SLC27A4: variants seen among roughly 807,000 people sequenced by gnomAD.
SLC27A4 encodes the protein solute carrier family 27 member 4.
In SLC27A4, 33 loss-of-function variants were observed where a neutral mutation model predicts 64.4. That is an observed-to-expected ratio of 0.51 (90% CI 0.39 to 0.68). The LOEUF is 0.68. Among genes scored for constraint, SLC27A4 ranks in the 30% least tolerant of loss-of-function variants. SLC27A4 has a pLI of 0.00. For missense variants in SLC27A4, 824 were observed against 883.5 expected (o/e 0.93, Z 0.85); for synonymous variants, 377 against 370.0 (o/e 1.02, Z -0.22).
At chr9:128,357,286 G>A (rs111526216) in intron 12 of SLC27A4, among the ~76,000 whole-genome samples, 4,721 of 145,622 alleles carry the variant, frequency 0.032, 273 homozygotes, top group African/African-American at 0.12. Context: ...AAAAAAATTA[G>A]CCGGGCGTGG....
chr9:128,348,781 G>C, intron 4 of SLC27A4, 78 bp downstream of exon 4: 1 of 1,475,632 alleles, frequency 6.8e-7, no homozygotes. Context: ...CCAGAAGGAG[G>C]CTTTTCTGGA....
At position 128,345,129 on chromosome 9, in the gene SLC27A4, C is replaced by T. The variant is rs1355986817; in HGVS notation, c.162-26C>T. On this transcript the variant is annotated intron_variant, in intron 2 of 12. Coordinates refer to ENST00000300456, the MANE Select transcript of SLC27A4 (RefSeq NM_005094.4). The surrounding 1 kb of genome is among the most constrained non-coding windows in gnomAD (Gnocchi z 4.1). ...CCCTCCCTCCCAACCATGGCAGACA[C>T]AGCGCCCTCTCTTGTTCACACACAG... 2.5e-6 allele frequency: 4 copies of T among 1,612,972 alleles called. No individual in the cohort carries two copies. The highest frequency in any genetic ancestry group is 3.4e-6 in the Non-Finnish European group (4 of 1,179,976).
chr9:128,354,793 A>AT (rs1244585166), intron 9 of SLC27A4, among the ~76,000 whole-genome samples: 1 of 149,750 alleles, frequency 6.7e-6, no homozygotes, highest in Non-Finnish European at 1.5e-5. Context: ...CTAAAAAATA[A>AT]AAAAAAAAAA....
chr9:128,344,523 A>G (rs1036622787), intron 2 of SLC27A4, among the ~76,000 whole-genome samples: 5 of 152,106 alleles, frequency 3.3e-5, no homozygotes, highest in Non-Finnish European at 7.4e-5. Context: ...CATCTCAAAA[A>G]AAAAAACAAA....
chr9:128,353,104 G>A lies in SLC27A4; in HGVS notation c.1067G>A (p.Arg356His), dbSNP rs748681195. The A allele has an allele frequency of 1.9e-6, 3 of 1,614,136 alleles. No homozygotes were observed. Among genetic ancestry groups the A allele is most frequent in the Non-Finnish European group, 2.5e-6 (3 of 1,180,018 alleles). Residue 356 changes from arginine (R) to histidine (H), a missense_variant, in exon 8 of 13, where the codon CGC (arginine) becomes CAC (histidine). Arg to His is a conservative substitution (Grantham distance 29, BLOSUM62 0). Transcript: ENST00000300456. The surrounding 1 kb of genome is among the most constrained non-coding windows in gnomAD (Gnocchi z 4.9). ...PREAENQHQV[R>H]MALGNGLRQS... ...GAGGCAGAAAACCAGCACCAGGTTC[G>A]CATGGCACTAGGCAATGGCCTCCGG... is the stretch of plus-strand genomic sequence containing the variant.
chr9:128,360,530 C>T lies in SLC27A4; in HGVS notation c.*39C>T, dbSNP rs113904747. On this transcript the variant is annotated 3_prime_UTR_variant, in exon 13 of 13. Coordinates refer to ENST00000300456, the MANE Select transcript of SLC27A4 (RefSeq NM_005094.4). ...TCTGAGGGCCGGCGGATGCTGGATC[C>T]GGAGCCCCAGGTTCCGCCCCAGAGC... The T allele has an allele frequency of 1.7e-5, 27 of 1,610,738 alleles. No individual in the cohort carries two copies. The highest frequency in any genetic ancestry group is 6.7e-5 in the African/African-American group (5 of 74,996).
chr9:128,354,544 C>T (rs1422523395), intron 9 of SLC27A4, among the ~76,000 whole-genome samples: 1 of 152,036 alleles, frequency 6.6e-6, no homozygotes, highest in Non-Finnish European at 1.5e-5. Flanking sequence ...CCATCAGTTT[C>T]GAGAACAAAC....
In SLC27A4 at chr9:128,360,557, G is replaced by A. The variant is rs566704264; in HGVS notation, c.*66G>A. ...GAGCCCCAGGTTCCGCCCCAGAGCG[G>A]TCCTGGACAAGGCCAGACCAAAGCA... On this transcript the variant is annotated 3_prime_UTR_variant, in exon 13 of 13. Transcript: ENST00000300456. 3.4e-5 allele frequency: 53 copies of A among 1,581,382 alleles called. No individual in the cohort carries two copies. The African/African-American group carries it at 6.9e-4, about 20-fold the overall frequency.
intron 7 of SLC27A4, 21 bp downstream of exon 7, chr9:128,352,768 T>A: frequency 6.4e-7 from 1 of 1,558,004 alleles, no homozygotes; most frequent in Non-Finnish European, 8.9e-7. Context: ...GCGGGAAGGG[T>A]GAGCTGTCCC....
intron 6 of SLC27A4, among the ~76,000 whole-genome samples, chr9:128,352,194 C>CAA (rs71495688): frequency 5.4e-5 from 5 of 92,456 alleles, no homozygotes; most frequent in Admixed American, 1.2e-4. Flanking sequence ...GACTCCGTCT[C>CAA]AAAAAAAAAA....
At chr9:128,348,888 G>T (rs527374502) in intron 4 of SLC27A4, among the ~76,000 whole-genome samples, 185 bp downstream of exon 4, 1 of 152,332 alleles carries the variant, frequency 6.6e-6, no homozygotes, top group South Asian at 2.1e-4. Flanking sequence ...TACTGTGAAG[G>T]TGACATGAGC....
intron 12 of SLC27A4, among the ~76,000 whole-genome samples, chr9:128,357,721 C>G (rs978082743): frequency 2.0e-5 from 3 of 152,220 alleles, no homozygotes; most frequent in African/African-American, 7.2e-5. Flanking sequence ...CCCTGCTTTC[C>G]TCAGCCCTTG....
Position 128,361,407 on chromosome 9 carries a change from CG to C in SLC27A4, c.*921del. Reference sequence around the variant, plus strand: ...CCTGCCTCCAATGTGCTGGTTCAGCCGGGGGCAGTGCCCATGTGAATCTGGC... The same window carrying C: ...CCTGCCTCCAATGTGCTGGTTCAGCCGGGGCAGTGCCCATGTGAATCTGGC... On this transcript the variant is annotated 3_prime_UTR_variant, in exon 13 of 13. Transcript: ENST00000300456. 1 of 152,438 alleles carries C rather than the reference CG, an allele frequency of 6.6e-6. No individual in the cohort carries two copies. 9.4% of individuals were successfully genotyped at this position (152,438 alleles called of 1,614,324 possible).
At chr9:128,351,568 G>A (rs1363962384) in intron 6 of SLC27A4, among the ~76,000 whole-genome samples, 2 of 145,626 alleles carry the variant, frequency 1.4e-5, no homozygotes, top group Non-Finnish European at 3.0e-5. Flanking sequence ...AGTACAAAAA[G>A]TAGCTGGGCT....
chr9:128,345,394 A>T lies in SLC27A4; in HGVS notation c.401A>T (p.Glu134Val), dbSNP rs1421931391. Reference sequence around the variant, plus strand: ...GGCGATGTGGCTGCCATCTTCATGGAGAACCGCAATGAGTTCGTGGGCCTA... The same window carrying T: ...GGCGATGTGGCTGCCATCTTCATGGTGAACCGCAATGAGTTCGTGGGCCTA... ...ASGDVAAIFMENRNEFVGLWL... is the reference protein window; with the variant it reads ...ASGDVAAIFMVNRNEFVGLWL... The change falls in exon 3 of 13, where the codon GAG (glutamate) becomes GTG (valine). Residue 134 changes from glutamate to valine, a missense_variant. Physicochemically the swap from Glu to Val is moderately radical, Grantham distance 121. Transcript: ENST00000300456. The surrounding 1 kb of genome is among the most constrained non-coding windows in gnomAD (Gnocchi z 4.1). 2 of 1,613,666 alleles carry T rather than the reference A, an allele frequency of 1.2e-6. No individual in the cohort carries two copies. The highest frequency in any genetic ancestry group is 2.7e-5 in the African/African-American group (2 of 74,940).
rs1447229218 is a variant in SLC27A4 at position 128,359,063 on chromosome 9, A to G, written c.1775-1271A>G. Among the ~76,000 whole-genome samples the G allele has an allele frequency of 1.6e-4, 25 of 152,234 alleles. 1 individual carries two copies. Among genetic ancestry groups the G allele is most frequent in the Admixed American group, 1.6e-3 (25 of 15,274 alleles). On this transcript the variant is annotated intron_variant, in intron 12 of 12. Coordinates refer to ENST00000300456, the MANE Select transcript of SLC27A4 (RefSeq NM_005094.4). ...GCCAGGAGAAGTGCCAAAGCCACAT[A>G]GCAGAGGTGTGTGTGTACAGGGAGG...
At chr9:128,343,032 C>A (rs377133335) in intron 1 of SLC27A4, 95 bp from the exon 2 acceptor site, 70 of 1,486,784 alleles carry the variant, frequency 4.7e-5, no homozygotes, top group African/African-American at 4.4e-4. Flanking sequence ...CACAGGCTGT[C>A]CCCTTGGGAT....
rs149264258 is a variant in SLC27A4, at chr9:128,344,472, T to C, written c.162-683T>C. ...AAGTGGAGGTTGCAATGAGCTGACA[T>C]TGCATCACTGCACTCCAACCTGGGT... On this transcript the variant is annotated intron_variant, in intron 2 of 12. Coordinates refer to ENST00000300456, the MANE Select transcript of SLC27A4 (RefSeq NM_005094.4). 2.2e-3 allele frequency among the ~76,000 whole-genome samples: 338 copies of C among 152,054 alleles called. 1 individual carries two copies. Among genetic ancestry groups the C allele is most frequent in the African/African-American group, 7.0e-3 (291 of 41,448 alleles).
intron 12 of SLC27A4, among the ~76,000 whole-genome samples, chr9:128,357,088 C>T (rs548243752): frequency 2.0e-3 from 269 of 131,416 alleles, no homozygotes; most frequent in African/African-American, 4.7e-3. Context: ...AGTGAGACTC[C>T]GTCTCAAAAA....
Sources: allele counts gnomAD v4.1 joint callset (sites outside exome capture counted in the v4.1 genomes callset), GRCh38; gene constraint gnomAD v4.1.1; non-coding constraint Gnocchi (gnomAD v3.1); transcripts MANE v1.5; gene names NCBI Gene and HGNC (gene_info 2026-07-23, HGNC 2026-07-21).